The following RBM11 variants were observed in gnomAD, a reference collection of about 807,000 sequenced individuals.
RBM11 encodes the protein RNA binding motif protein 11.
In RBM11, 18 loss-of-function variants were observed where a neutral mutation model predicts 21.4. The observed-to-expected ratio is 0.84, with a 90% CI of 0.58 to 1.25. The LOEUF (loss-of-function observed/expected upper bound fraction) is 1.25. RBM11 is among the 50% of genes most tolerant of loss of function. The pLI is 0.00. For missense variants in RBM11, 294 were observed against 331.9 expected, an observed-to-expected ratio of 0.89 and a Z score of 0.89; for synonymous variants, 120 against 116.3, an observed-to-expected ratio of 1.03 and a Z score of -0.20.
chr21:14,216,481 G>C (rs527687378), intron 1 of RBM11, among the ~76,000 whole-genome samples, 199 bp downstream of exon 1: 1 of 152,210 alleles, frequency 6.6e-6, no homozygotes, highest in South Asian at 2.1e-4. Flanking sequence ...CCCCATCCGC[G>C]CTGCAGAGTC....
chr21:14,228,332 ATATTTAT>A lies in RBM11; in HGVS notation c.*1046_*1052del, dbSNP rs1979279761. On this transcript the variant is annotated 3_prime_UTR_variant, in exon 5 of 5. Transcript: ENST00000400577. ...TTGCATGTTGCCTAGCATTTTATAG[ATATTTAT>A]TATTTAAAAAAATAAAGATATGTTT... The A allele has an allele frequency of 6.6e-6, 1 of 152,152 alleles. No individual in the cohort carries two copies. Among genetic ancestry groups the A allele is most frequent in the African/African-American group, 2.4e-5 (1 of 41,458 alleles). The allele number at this position is 152,152 out of a possible 1,614,324, so 9.4% of individuals were successfully genotyped here. A position where few individuals can be genotyped will look rare whatever the true frequency, so the allele number is the denominator to read the frequency against.
chr21:14,221,295 C>CT (rs1437224794), intron 3 of RBM11, 126 bp downstream of exon 3: 23 of 1,133,618 alleles, frequency 2.0e-5, no homozygotes, highest in East Asian at 3.0e-5. Context: ...TAAGGAATAT[C>CT]TTTTTTTTCC....
intron 3 of RBM11, among the ~76,000 whole-genome samples, chr21:14,222,242 A>G (rs1373911893): frequency 6.6e-6 from 1 of 152,076 alleles, no homozygotes; most frequent in Non-Finnish European, 1.5e-5. Context: ...ATCTATATAT[A>G]GAGGAGAGGA....
chr21:14,222,377 G>A (rs1173668851), intron 3 of RBM11, among the ~76,000 whole-genome samples: 2 of 152,048 alleles, frequency 1.3e-5, no homozygotes, highest in African/African-American at 2.4e-5. Context: ...AACAGTATGA[G>A]TGTCATCCAT....
rs2020438622 is a variant in RBM11 at position 14,216,226 on chromosome 21, G to A, written c.40G>A (p.Val14Ile). ...GGAGGAGGCCGACAGGACCGTGTTTGTTGGGAATTTAGAGGCCCGAGTTCG... is the reference window on the plus strand; with the variant it reads ...GGAGGAGGCCGACAGGACCGTGTTTATTGGGAATTTAGAGGCCCGAGTTCG... Reference protein sequence around the residue: ...AQEEADRTVFVGNLEARVREE... With the variant: ...AQEEADRTVFIGNLEARVREE... The change falls in exon 1 of 5, where the codon GTT (valine) becomes ATT (isoleucine). Residue 14 changes from valine to isoleucine, a missense_variant. Transcript: ENST00000400577. 3.1e-6 allele frequency: 5 copies of A among 1,613,886 alleles called. No homozygotes were observed. The highest frequency in any genetic ancestry group is 4.2e-6 in the Non-Finnish European group (5 of 1,179,830).
chr21:14,220,839 A>G (rs1255862232), intron 2 of RBM11, among the ~76,000 whole-genome samples: 1 of 152,174 alleles, frequency 6.6e-6, no homozygotes, highest in Non-Finnish European at 1.5e-5. Context: ...GTATCTTACA[A>G]AGTCCAACGT....
chr21:14,226,488 G>A (rs191350341), intron 4 of RBM11, among the ~76,000 whole-genome samples: 13 of 151,906 alleles, frequency 8.6e-5, no homozygotes, highest in Admixed American at 6.6e-4. Context: ...GTGTGGTGGC[G>A]TGTGCCTGTA....
At chr21:14,224,643 C>A in intron 4 of RBM11, 106 bp downstream of exon 4, 1 of 1,411,592 alleles carries the variant, frequency 7.1e-7, no homozygotes. Context: ...GGGATGAAGG[C>A]ACAAGATGTC....
chr21:14,225,387 C>G (rs1979007384), intron 4 of RBM11, among the ~76,000 whole-genome samples: 2 of 151,918 alleles, frequency 1.3e-5, no homozygotes, highest in Admixed American at 6.6e-5. Context: ...TGGTTTTGAC[C>G]CAGAAATCTT....
Position 14,226,877 on chromosome 21 carries a change from C to A in RBM11, c.433-3C>A, listed in dbSNP as rs368916051. On this transcript the variant is annotated splice_region_variant and splice_polypyrimidine_tract_variant and intron_variant, in intron 4 of 4. Transcript: ENST00000400577. The stretch of plus-strand genomic sequence containing the variant: ...TTGGTAGATGAATGTCTTGTTTTCA[C>A]AGCAGTGGCATGTGTATAATCCAGT... 7.5e-6 allele frequency: 12 copies of A among 1,595,208 alleles called. No homozygotes were observed. Among genetic ancestry groups the A allele is most frequent in the Admixed American group, 1.8e-5 (1 of 56,874 alleles).
At chr21:14,225,300 C>T (rs1342503491) in intron 4 of RBM11, among the ~76,000 whole-genome samples, 2 of 152,102 alleles carry the variant, frequency 1.3e-5, no homozygotes, top group Non-Finnish European at 2.9e-5. Context: ...GCACACATCA[C>T]AGGGGAAGGA....
rs781596764 is a variant in RBM11 at position 14,219,699 on chromosome 21, G to T, written c.233G>T (p.Arg78Ile). 6.2e-7 allele frequency: 1 copy of T among 1,603,294 alleles called. No individual in the cohort carries two copies. Reference sequence around the variant, plus strand: ...CTGAATGGAATTCGTTTATATGGAAGACCAATTAACGTGCAGTATCGATTT... The same window carrying T: ...CTGAATGGAATTCGTTTATATGGAATACCAATTAACGTGCAGTATCGATTT... ...ALLNGIRLYG[R>I]PINVQYRFGS... The change falls in exon 2 of 5, where the codon AGA (arginine) becomes ATA (isoleucine). Residue 78 changes from arginine to isoleucine, a missense_variant. By Grantham distance (97) the Arg-to-Ile change is moderately conservative. This residue lies in a region of RBM11 where 181 missense variants were observed against 164.6 expected (regional missense o/e 1.10). Coordinates refer to ENST00000400577, the MANE Select transcript of RBM11 (RefSeq NM_144770.5).
rs185361534 is a variant in RBM11 at position 14,223,019 on chromosome 21, G to A, written c.333-1419G>A. ...TCTCTTCTTCCTCAGGAGTTAGGAA[G>A]GAACAAGCTATTGGTAAGATTTAGA... On this transcript the variant is annotated intron_variant, in intron 3 of 4. Transcript: ENST00000400577. Among the ~76,000 whole-genome samples the A allele has an allele frequency of 5.9e-5, 9 of 152,208 alleles. No homozygotes were observed. In the South Asian group the frequency reaches 6.2e-4, roughly 11 times the overall value.
intron 1 of RBM11, among the ~76,000 whole-genome samples, chr21:14,218,506 A>G (rs1978394802): frequency 1.3e-5 from 2 of 152,144 alleles, no homozygotes; most frequent in African/African-American, 4.8e-5. Flanking sequence ...CATGAAAGAG[A>G]CATGGTGGGA....
In RBM11 at chr21:14,222,782, CTG is replaced by C. The variant is rs571585374; in HGVS notation, c.332+1615_332+1616del. 5.6e-4 allele frequency among the ~76,000 whole-genome samples: 84 copies of C among 150,366 alleles called. No homozygotes were observed. The South Asian group carries it at 0.015, about 27-fold the overall frequency. On this transcript the variant is annotated intron_variant, in intron 3 of 4. Coordinates refer to ENST00000400577, the MANE Select transcript of RBM11 (RefSeq NM_144770.5). ...GAACTGGATATGTTATTTTACCACT[CTG>C]TTCCCTATCTCTAAAATGAGGATAA...
chr21:14,216,370 C>G (rs370434769), intron 1 of RBM11, 88 bp downstream of exon 1: 238 of 1,066,268 alleles, frequency 2.2e-4, no homozygotes, highest in Non-Finnish European at 3.1e-4. Context: ...AGCCCGGCCC[C>G]CTTCCGTCCC....
chr21:14,226,773 A>G (rs1316212730), intron 4 of RBM11, 107 bp from the exon 5 acceptor site: 2 of 1,453,342 alleles, frequency 1.4e-6, no homozygotes, highest in African/African-American at 1.4e-5. Context: ...TTATACCAAA[A>G]CACAGTTTAG....
Position 14,227,217 on chromosome 21 carries a change from ATAG to A in RBM11, c.774_776del (p.Ser259del). 2 of 1,614,062 alleles carry A rather than the reference ATAG, an allele frequency of 1.2e-6. No homozygotes were observed. Among genetic ancestry groups the A allele is most frequent in the South Asian group, 1.1e-5 (1 of 91,088 alleles). ...AGACAAAAGCAAACAAGTGATAGTG[ATAG>A]TAGCACAGACAACAACAGAGGCAAC... On this transcript the variant is annotated inframe_deletion, in exon 5 of 5. Transcript: ENST00000400577.
Position 14,227,317 on chromosome 21 carries a change from C to T in RBM11, c.*24C>T, listed in dbSNP as rs1979191090. 1 of 1,560,344 alleles carries T rather than the reference C, an allele frequency of 6.4e-7. No homozygotes were observed. The highest frequency in any genetic ancestry group is 8.6e-7 in the Non-Finnish European group (1 of 1,156,184). ...AGTATTACCTACAAATGAAACTTACCTACACTGATCTTAGTTCTCTTATGA... is the reference window on the plus strand; with the variant it reads ...AGTATTACCTACAAATGAAACTTACTTACACTGATCTTAGTTCTCTTATGA... On this transcript the variant is annotated 3_prime_UTR_variant, in exon 5 of 5. Transcript: ENST00000400577.
Sources: allele counts gnomAD v4.1 joint callset (sites outside exome capture counted in the v4.1 genomes callset), GRCh38; gene constraint gnomAD v4.1.1; regional missense constraint gnomAD v4.1.1; transcripts MANE v1.5; gene names NCBI Gene and HGNC (gene_info 2026-07-23, HGNC 2026-07-21).